The following CPQ variants were observed in gnomAD, a reference collection of about 807,000 sequenced individuals.
The protein encoded by CPQ is Ser-Met dipeptidase.
Under a neutral mutation model 45.7 loss-of-function variants are expected in CPQ, and 37 were observed. The ratio of observed to expected loss-of-function variants is 0.81; its 90% CI spans 0.62 to 1.07. The LOEUF is 1.07. Ranked by LOEUF, CPQ falls within the 50% of genes least tolerant of loss-of-function variation. The probability of loss-of-function intolerance (pLI) is 0.00; values close to 1 mark genes in which losing one functional copy is unlikely to be tolerated. For missense variants in CPQ, 537 were observed against 572.9 expected, an observed-to-expected ratio of 0.94 and a Z score of 0.64; for synonymous variants, 186 against 205.8, an observed-to-expected ratio of 0.90 and a Z score of 0.82.
chr8:96,771,744 T>C (rs995856121), intron 1 of CPQ, among the ~76,000 whole-genome samples: 2 of 152,194 alleles, frequency 1.3e-5, no homozygotes, highest in African/African-American at 4.8e-5. Flanking sequence ...GAACTATTAT[T>C]CGGTGTAGAA....
chr8:96,657,935 CT>C (rs1379377653), intron 1 of CPQ, among the ~76,000 whole-genome samples: 4 of 152,160 alleles, frequency 2.6e-5, no homozygotes, highest in Admixed American at 1.3e-4. Flanking sequence ...TTTTGAGATT[CT>C]TTTTTCATTA....
chr8:96,960,340 G>A (rs1238665113), intron 4 of CPQ, among the ~76,000 whole-genome samples: 1 of 152,142 alleles, frequency 6.6e-6, no homozygotes, highest in East Asian at 1.9e-4. Flanking sequence ...AGTAAATGTA[G>A]ATATTTTCTA....
chr8:96,747,877 A>C (rs1331471945), intron 1 of CPQ, among the ~76,000 whole-genome samples: 3 of 152,192 alleles, frequency 2.0e-5, no homozygotes, highest in Non-Finnish European at 4.4e-5. Flanking sequence ...AAATATGCAC[A>C]CTAAAGTTTG....
intron 1 of CPQ, among the ~76,000 whole-genome samples, chr8:96,783,382 C>T (rs942291533): frequency 1.3e-5 from 2 of 151,818 alleles, no homozygotes; most frequent in Non-Finnish European, 1.5e-5. Context: ...AATGAGGGGC[C>T]ACATCTGGTG....
intron 5 of CPQ, among the ~76,000 whole-genome samples, chr8:97,022,788 A>G (rs1413736148): frequency 6.6e-6 from 1 of 151,946 alleles, no homozygotes; most frequent in Admixed American, 6.6e-5. Flanking sequence ...GTGGGAATGT[A>G]AACTAGTACA....
At position 96,932,513 on chromosome 8, in the gene CPQ, C is replaced by T. The variant is rs189708211; in HGVS notation, c.850-33422C>T. Among the ~76,000 whole-genome samples, 383 of 152,240 alleles carry T rather than the reference C, an allele frequency of 2.5e-3. 1 individual carries two copies. Among genetic ancestry groups the T allele is most frequent in the African/African-American group, 8.7e-3 (363 of 41,552 alleles). On this transcript the variant is annotated intron_variant, in intron 4 of 7. Coordinates refer to ENST00000220763, the MANE Select transcript of CPQ (RefSeq NM_016134.4). ...CATTTTAATTATACGAACTAGAGTTCGTTAAATGGTATAGTTGCTCTAAAT... is the reference window on the plus strand; with the variant it reads ...CATTTTAATTATACGAACTAGAGTTTGTTAAATGGTATAGTTGCTCTAAAT...
chr8:96,745,934 G>A lies in CPQ; in HGVS notation c.-34-38930G>A, dbSNP rs538232549. ...TTAGAACAGACGCTTGGATTAGATG[G>A]TCATTAATTATGGTCTATTTCAGTT... On this transcript the variant is annotated intron_variant, in intron 1 of 7. Transcript: ENST00000220763. 5.6e-4 allele frequency among the ~76,000 whole-genome samples: 86 copies of A among 152,286 alleles called. 1 individual carries two copies. The highest frequency in any genetic ancestry group is 1.7e-3 in the African/African-American group (72 of 41,550).
At chr8:96,785,650 G>C (rs959139980) in intron 2 of CPQ, among the ~76,000 whole-genome samples, 2 of 152,044 alleles carry the variant, frequency 1.3e-5, no homozygotes, top group African/African-American at 4.8e-5. Flanking sequence ...ACATAAACAG[G>C]ATACAAAAAC....
intron 4 of CPQ, among the ~76,000 whole-genome samples, chr8:96,958,190 A>G (rs1042626651): frequency 6.6e-6 from 1 of 152,110 alleles, no homozygotes; most frequent in East Asian, 1.9e-4. Flanking sequence ...GGCCTGGGAC[A>G]TAATGGTAAG....
chr8:96,998,811 C>A (rs1716844354), intron 5 of CPQ, among the ~76,000 whole-genome samples: 1 of 151,970 alleles, frequency 6.6e-6, no homozygotes, highest in African/African-American at 2.4e-5. Flanking sequence ...CTCATGCAGT[C>A]ATTGTACTGG....
chr8:96,984,971 T>G (rs1192717046), intron 5 of CPQ, among the ~76,000 whole-genome samples: 1 of 152,204 alleles, frequency 6.6e-6, no homozygotes, highest in Non-Finnish European at 1.5e-5. Flanking sequence ...CTCATAGTAG[T>G]TCCTTTAATA....
chr8:97,048,849 A>C (rs1358147540), intron 6 of CPQ, among the ~76,000 whole-genome samples: 1 of 152,238 alleles, frequency 6.6e-6, no homozygotes, highest in African/African-American at 2.4e-5. Context: ...CTATCTTCTC[A>C]TCTTGTAGGC....
chr8:97,005,624 A>T (rs1000401244), intron 5 of CPQ, among the ~76,000 whole-genome samples: 1 of 152,134 alleles, frequency 6.6e-6, no homozygotes. Context: ...AACATTTAAG[A>T]GCGTGAAAGG....
At chr8:97,041,018 A>C (rs1477181427) in intron 6 of CPQ, among the ~76,000 whole-genome samples, 1 of 152,154 alleles carries the variant, frequency 6.6e-6, no homozygotes, top group Non-Finnish European at 1.5e-5. Flanking sequence ...CAATTCTGTG[A>C]AGAAAGTCAT....
chr8:96,854,292 GA>G (rs1301897374), intron 3 of CPQ, among the ~76,000 whole-genome samples: 1 of 151,810 alleles, frequency 6.6e-6, no homozygotes, highest in Admixed American at 6.6e-5. Context: ...AGCACTTTGG[GA>G]GGCCGAGGCG....
chr8:96,910,820 C>G (rs879787089), intron 4 of CPQ, among the ~76,000 whole-genome samples: 1 of 152,046 alleles, frequency 6.6e-6, no homozygotes, highest in South Asian at 2.1e-4. Flanking sequence ...GTGTTATAAT[C>G]TTATCCTTCC....
intron 2 of CPQ, among the ~76,000 whole-genome samples, chr8:96,827,058 C>G (rs532008525): frequency 6.6e-6 from 1 of 152,098 alleles, no homozygotes; most frequent in African/African-American, 2.4e-5. Flanking sequence ...AGCTCCTGCT[C>G]AATTATGACT....
At chr8:96,730,450 G>C (rs1283627101) in intron 1 of CPQ, among the ~76,000 whole-genome samples, 2 of 152,060 alleles carry the variant, frequency 1.3e-5, no homozygotes, top group African/African-American at 2.4e-5. Flanking sequence ...AAGAGTCTTG[G>C]GAGAAGCTGA....
chr8:96,819,047 TCTCTC>T (rs1399629064), intron 2 of CPQ, among the ~76,000 whole-genome samples: 23 of 152,202 alleles, frequency 1.5e-4, no homozygotes, highest in Admixed American at 2.6e-4. Flanking sequence ...TTCAAGTCTG[TCTCTC>T]CTCTACTCCG....
Sources: allele counts gnomAD v4.1 joint callset (sites outside exome capture counted in the v4.1 genomes callset), GRCh38; gene constraint gnomAD v4.1.1; transcripts MANE v1.5; gene names NCBI Gene and HGNC (gene_info 2026-07-23, HGNC 2026-07-21).